Variants in HNRNPH1 observed in about 807,000 individuals in gnomAD.
The protein encoded by HNRNPH1 is heterogeneous nuclear ribonucleoprotein H1.
HNRNPH1 carries 4 observed loss-of-function variants against 58.6 expected under a neutral mutation model. The ratio of observed to expected loss-of-function variants is 0.07; its 90% CI spans 0.03 to 0.16. The LOEUF (loss-of-function observed/expected upper bound fraction) is 0.16. Among genes scored for constraint, HNRNPH1 ranks in the 10% least tolerant of loss-of-function variants. The probability of loss-of-function intolerance (pLI) is 1.00; values close to 1 mark genes in which losing one functional copy is unlikely to be tolerated. For synonymous variants in HNRNPH1, 192 were observed against 189.2 expected, an observed-to-expected ratio of 1.01 and a Z score of -0.12; for missense variants, 271 against 564.2, an observed-to-expected ratio of 0.48 and a Z score of 5.26.
chr5:179,621,635 A>T (rs139901775), intron 1 of HNRNPH1: 503 of 537,542 alleles, frequency 9.4e-4, no homozygotes, highest in African/African-American at 8.4e-3. Flanking sequence ...TTTCAGAATG[A>T]ATTTATCTCT....
At chr5:179,619,465 G>A (rs1581682320) in intron 3 of HNRNPH1, 58 bp from the exon 5 acceptor site, 5 of 1,495,200 alleles carry the variant, frequency 3.3e-6, no homozygotes, top group Non-Finnish European at 4.6e-6. Context: ...CACAAGCCCA[G>A]AAATGATTCT....
chr5:179,621,734 ACATAC>A (rs1240215138), intron 1 of HNRNPH1: 2 of 383,830 alleles, frequency 5.2e-6, no homozygotes, highest in African/African-American at 4.2e-5. Context: ...TTTACGGCAA[ACATAC>A]TTCGTTGCGA....
At chr5:179,615,100 G>A (rs961302400) in intron 12 of HNRNPH1, 141 bp from the exon 14 acceptor site, 2 of 628,948 alleles carry the variant, frequency 3.2e-6, no homozygotes, top group African/African-American at 1.8e-5. Context: ...TTTGGGAAAG[G>A]GGAATCCCGA....
intron 3 of HNRNPH1, 117 bp from the exon 5 acceptor site, chr5:179,619,524 T>C (rs1771264370): frequency 1.2e-6 from 1 of 808,650 alleles, no homozygotes; most frequent in South Asian, 1.9e-5. Flanking sequence ...GTGAATGGTA[T>C]GCTTTCAACA....
Position 179,623,494 on chromosome 5 carries a change from G to C in HNRNPH1, c.-361C>G, listed in dbSNP as rs1773801269. The C allele has an allele frequency of 2.8e-5, 5 of 179,690 alleles. No individual in the cohort carries two copies. In the South Asian group the frequency reaches 4.5e-4, roughly 16 times the overall value. 11.1% of individuals were successfully genotyped at this position (179,690 alleles called of 1,614,324 possible). A position where few individuals can be genotyped will look rare whatever the true frequency, so the allele number is the denominator to read the frequency against. On this transcript the variant is annotated 5_prime_UTR_variant, in exon 1 of 13. Coordinates refer to ENST00000356731, the Ensembl canonical transcript of HNRNPH1. The stretch of plus-strand genomic sequence containing the variant: ...CTCAGCGGCGGTGCCGAGATTCAGC[G>C]AACCACTCGCGGCTCTCGACGGCAG...
intron 4 of HNRNPH1, chr5:179,618,999 TA>T: frequency 4.1e-6 from 1 of 245,920 alleles, no homozygotes. Context: ...AGGTTTGCAT[TA>T]ATTTTTTAAA....
Position 179,617,697 on chromosome 5 carries a change from CAAAAAA to C in HNRNPH1, c.922-54_922-49del, listed in dbSNP as rs753437288. ...GAATTCAACCAACTTTCTAACGTTA[CAAAAAA>C]AACCTAAAATTTCTAACATAGTGCT... On this transcript the variant is annotated intron_variant, in intron 7 of 12. Transcript: ENST00000356731. 1.2e-5 allele frequency: 20 copies of C among 1,601,462 alleles called. No homozygotes were observed. The Admixed American group carries it at 3.3e-4, about 26-fold the overall frequency.
intron 1 of HNRNPH1, among the ~76,000 whole-genome samples, chr5:179,622,648 T>C (rs572328341): frequency 6.6e-6 from 1 of 151,756 alleles, no homozygotes. Flanking sequence ...GAGGCGGAGG[T>C]TGCAGTGAGC....
At chr5:179,625,095 G>A (rs117747430), upstream of HNRNPH1, among the ~76,000 whole-genome samples, 122 of 152,246 alleles carry the variant, frequency 8.0e-4, 1 homozygote, top group East Asian at 0.023. Flanking sequence ...GATGCAGATG[G>A]AGCAGGCAGG....
intron 2 of HNRNPH1, 58 bp downstream of exon 3, chr5:179,621,184 G>T (rs1772141383): frequency 6.5e-7 from 1 of 1,549,826 alleles, no homozygotes; most frequent in African/African-American, 1.4e-5. Flanking sequence ...TTCAGAAGGG[G>T]TGAGACCTCT....
exon 1 of HNRNPH1, chr5:179,623,225 C>CGAAG: frequency 1.1e-6 from 1 of 883,688 alleles, no homozygotes; most frequent in Non-Finnish European, 1.7e-6. Context: ...GCCTCCGAGG[C>CGAAG]GCGCCCGGGC....
At chr5:179,616,331 T>C (rs1769632841) in intron 10 of HNRNPH1, 113 bp from the exon 12 acceptor site, 3 of 854,782 alleles carry the variant, frequency 3.5e-6, no homozygotes, top group Admixed American at 1.9e-5. Flanking sequence ...TACATTACTG[T>C]AACCCTCTGC....
chr5:179,622,408 C>T (rs1181207292), intron 1 of HNRNPH1, among the ~76,000 whole-genome samples: 1 of 152,186 alleles, frequency 6.6e-6, no homozygotes, highest in Non-Finnish European at 1.5e-5. Flanking sequence ...GCCAATTTAT[C>T]CTTTCGAAAA....
chr5:179,630,763 C>A (rs1774763112), intron 2 of HNRNPH1, among the ~76,000 whole-genome samples: 2 of 151,818 alleles, frequency 1.3e-5, no homozygotes, highest in African/African-American at 4.8e-5. Context: ...TACAAAAAAT[C>A]AGCTGGGTGT....
At chr5:179,624,359 C>T in exon 1 of HNRNPH1, 1 of 396,262 alleles carries the variant, frequency 2.5e-6, no homozygotes, top group Non-Finnish European at 4.4e-6. Context: ...GCGAGGTTTC[C>T]GTGCCTGTGG....
chr5:179,623,849 C>A (rs1363000634), exon 1 of HNRNPH1: 1 of 152,312 alleles, frequency 6.6e-6, no homozygotes, highest in Admixed American at 6.5e-5. Context: ...GCTCAGCACC[C>A]CCACCCATAA....
intron 2 of HNRNPH1, among the ~76,000 whole-genome samples, chr5:179,631,164 A>G (rs1774799306): frequency 6.7e-6 from 1 of 150,338 alleles, no homozygotes; most frequent in Non-Finnish European, 1.5e-5. Context: ...ATCTTAGGTA[A>G]CATAATGGTT....
intron 2 of HNRNPH1, among the ~76,000 whole-genome samples, chr5:179,629,693 A>G (rs996394909): frequency 1.9e-4 from 29 of 152,242 alleles, no homozygotes; most frequent in African/African-American, 6.5e-4. Flanking sequence ...AAGACATGTT[A>G]TAGCCATTAT....
chr5:179,615,693 A>ACTAATAT, intron 11 of HNRNPH1, 98 bp from the exon 13 acceptor site: 2 of 626,958 alleles, frequency 3.2e-6, no homozygotes, highest in Non-Finnish European at 5.7e-6. Context: ...AGGTTAACTG[A>ACTAATAT]CTAATAAATA....
Sources: gnomAD v4.1 joint callset for allele counts (sites outside exome capture counted in the v4.1 genomes callset) on GRCh38, gnomAD v4.1.1 for gene constraint, MANE v1.5 for transcripts, NCBI Gene and HGNC (gene_info 2026-07-23, HGNC 2026-07-21) for gene names.